Variants in SVEP1 observed in about 807,000 individuals in gnomAD.
The protein encoded by SVEP1 is sushi, von Willebrand factor type A, EGF and pentraxin domain containing 1.
Under a neutral mutation model 367.3 loss-of-function variants are expected in SVEP1, and 164 were observed. The observed-to-expected ratio is 0.45, with a 90% CI of 0.39 to 0.51. The LOEUF (loss-of-function observed/expected upper bound fraction) is 0.51, where lower values mean the gene tolerates loss of function less well. Ranked by LOEUF, SVEP1 falls within the 20% of genes least tolerant of loss-of-function variation. The pLI is 0.00. For missense variants in SVEP1, 4,117 were observed against 4,425.3 expected (o/e 0.93, Z 1.98); for synonymous variants, 1,666 against 1,611.6 (o/e 1.03, Z -0.81).
In SVEP1 at chr9:110,408,403, A is replaced by G. The variant is rs1827988849; in HGVS notation, c.7197T>C (p.His2399=). ...AAGAATACTTGACAGTACTTCCAAA[A>G]TGAAGAGCAGAAGAAGGAATGGGGA... ...FGVPIPSSAL[H]FGSTVKYSCV... The change falls in exon 38 of 48, where the codon CAT becomes CAC. Residue 2399 remains histidine (H), a synonymous_variant. Coordinates refer to ENST00000374469, the MANE Select transcript of SVEP1 (RefSeq NM_153366.4). 1 of 1,613,984 alleles carries G rather than the reference A, an allele frequency of 6.2e-7. No individual in the cohort carries two copies. The highest frequency in any genetic ancestry group is 2.2e-5 in the East Asian group (1 of 44,884).
intron 43 of SVEP1, among the ~76,000 whole-genome samples, chr9:110,380,108 G>A (rs913503924): frequency 2.6e-5 from 4 of 152,178 alleles, no homozygotes. Context: ...CTGTAAAAGA[G>A]TGACTTTCTG....
At chr9:110,504,330 G>A (rs1179616623) in intron 5 of SVEP1, among the ~76,000 whole-genome samples, 1 of 152,104 alleles carries the variant, frequency 6.6e-6, no homozygotes, top group Non-Finnish European at 1.5e-5. Flanking sequence ...AAAGTGCTGG[G>A]ATTACAGGCG....
At chr9:110,454,183 TC>T (rs1379622221) in intron 22 of SVEP1, among the ~76,000 whole-genome samples, 1 of 152,248 alleles carries the variant, frequency 6.6e-6, no homozygotes, top group Non-Finnish European at 1.5e-5. Context: ...ATTGATGCTT[TC>T]TTTTGCAGTG....
intron 43 of SVEP1, 68 bp downstream of exon 43, chr9:110,385,830 A>ACAACCTCACAGGGATGGGAAAACATTT: frequency 6.6e-7 from 1 of 1,520,202 alleles, no homozygotes; most frequent in Non-Finnish European, 8.8e-7. Context: ...TTGATTGAAA[A>ACAACCTCACAGGGATGGGAAAACATTT]CAACCTCACA....
chr9:110,462,471 A>G (rs1290404173), intron 18 of SVEP1, among the ~76,000 whole-genome samples: 2 of 151,420 alleles, frequency 1.3e-5, no homozygotes, highest in African/African-American at 4.9e-5. Flanking sequence ...TAGTAAACAT[A>G]TATACACACA....
At chr9:110,458,021 T>C (rs529209629) in intron 20 of SVEP1, 3 of 416,242 alleles carry the variant, frequency 7.2e-6, no homozygotes, top group South Asian at 5.5e-5. Context: ...TCTTAATTTA[T>C]GTTTCTTAAT....
chr9:110,394,299 G>A (rs1274064754), intron 40 of SVEP1, among the ~76,000 whole-genome samples: 1 of 152,196 alleles, frequency 6.6e-6, no homozygotes, highest in South Asian at 2.1e-4. Flanking sequence ...GGTCCTGTCT[G>A]TTGAAGGAAA....
At chr9:110,475,506 C>G (rs1829085636) in intron 14 of SVEP1, among the ~76,000 whole-genome samples, 1 of 151,626 alleles carries the variant, frequency 6.6e-6, no homozygotes, top group Non-Finnish European at 1.5e-5. Context: ...AACCATTACA[C>G]TACTTTGATA....
chr9:110,442,741 G>C (rs1439262530), intron 27 of SVEP1: 2 of 152,048 alleles, frequency 1.3e-5, no homozygotes, highest in Non-Finnish European at 2.9e-5. Flanking sequence ...GGGATTACAG[G>C]CGTGAGCCAC....
chr9:110,403,661 TATA>T lies in SVEP1; in HGVS notation c.9666+663_9666+665del, dbSNP rs1230692430. Among the ~76,000 whole-genome samples the T allele has an allele frequency of 4.6e-5, 7 of 152,100 alleles. No individual in the cohort carries two copies. In the East Asian group the frequency reaches 9.8e-4, roughly 21 times the overall value. On this transcript the variant is annotated intron_variant, in intron 39 of 47. Transcript: ENST00000374469. ...TAGGTAAAAAAAATGTGAAAATATC[TATA>T]ATAAGATTTCATGACAAATTAATCA...
At chr9:110,449,607 C>A (rs10980392) in intron 24 of SVEP1, among the ~76,000 whole-genome samples, 1 of 151,908 alleles carries the variant, frequency 6.6e-6, no homozygotes, top group Admixed American at 6.6e-5. Context: ...CGCTTTAAAC[C>A]GGGAGAAAGA....
intron 2 of SVEP1, among the ~76,000 whole-genome samples, chr9:110,547,988 C>T (rs1830241188): frequency 6.6e-6 from 1 of 152,164 alleles, no homozygotes; most frequent in South Asian, 2.1e-4. Flanking sequence ...GTTTCTGGGT[C>T]AACTTCCATC....
At chr9:110,532,596 A>G (rs1171685720) in intron 3 of SVEP1, among the ~76,000 whole-genome samples, 3 of 152,204 alleles carry the variant, frequency 2.0e-5, no homozygotes, top group African/African-American at 7.2e-5. Context: ...TAGTAGAATC[A>G]CAGAATTTGA....
At chr9:110,415,922 T>C (rs1828113656) in intron 36 of SVEP1, among the ~76,000 whole-genome samples, 1 of 152,012 alleles carries the variant, frequency 6.6e-6, no homozygotes, top group Non-Finnish European at 1.5e-5. Context: ...ATAGCAATAG[T>C]GGAGTCTGTA....
chr9:110,452,251 A>G (rs934658638), intron 22 of SVEP1, among the ~76,000 whole-genome samples: 1 of 152,202 alleles, frequency 6.6e-6, no homozygotes, highest in African/African-American at 2.4e-5. Flanking sequence ...CACAAAATAA[A>G]TTTAATGTCT....
At chr9:110,398,646 GAAA>G (rs1293369814) in intron 40 of SVEP1, among the ~76,000 whole-genome samples, 1 of 151,918 alleles carries the variant, frequency 6.6e-6, no homozygotes, top group African/African-American at 2.4e-5. Context: ...AAATTTATAA[GAAA>G]AAAACAAACA....
intron 3 of SVEP1, among the ~76,000 whole-genome samples, chr9:110,515,572 T>C (rs1218091160): frequency 6.6e-6 from 1 of 152,180 alleles, no homozygotes; most frequent in Non-Finnish European, 1.5e-5. Context: ...AGTGCTGGGA[T>C]TACAGGCGTG....
In SVEP1 at chr9:110,431,969, A is replaced by G; in HGVS notation, c.5299T>C (p.Ser1767Pro). Residue 1767 changes from serine (S) to proline (P), a missense_variant, in exon 32 of 48, where the codon TCC (serine) becomes CCC (proline). Ser to Pro is a moderately conservative substitution (Grantham distance 74, BLOSUM62 -1). Transcript: ENST00000374469. ...GGTGGGACACATGAACATATGTAGGATCCATCTACGTTCAGGCAAGAAGCA... is the reference window on the plus strand; with the variant it reads ...GGTGGGACACATGAACATATGTAGGGTCCATCTACGTTCAGGCAAGAAGCA... ...EHASCLNVDG[S>P]YICSCVPPYT... 1 of 1,613,674 alleles carries G rather than the reference A, an allele frequency of 6.2e-7. No individual in the cohort carries two copies. The highest frequency in any genetic ancestry group is 8.5e-7 in the Non-Finnish European group (1 of 1,179,708).
At chr9:110,561,121 C>A (rs939178763) in intron 1 of SVEP1, among the ~76,000 whole-genome samples, 1 of 152,124 alleles carries the variant, frequency 6.6e-6, no homozygotes. Flanking sequence ...CTTTTGCACT[C>A]GATTTTAGCT....
Sources: allele counts gnomAD v4.1 joint callset (sites outside exome capture counted in the v4.1 genomes callset), GRCh38; gene constraint gnomAD v4.1.1; transcripts MANE v1.5; gene names NCBI Gene and HGNC (gene_info 2026-07-23, HGNC 2026-07-21).